BIRC6: variants seen among roughly 807,000 people sequenced by gnomAD.
BIRC6 encodes the protein baculoviral IAP repeat containing 6.
Under a neutral mutation model 503.3 loss-of-function variants are expected in BIRC6, and 98 were observed. The observed-to-expected ratio is 0.19, with a 90% CI of 0.17 to 0.23. The LOEUF (loss-of-function observed/expected upper bound fraction) is 0.23, where lower values mean the gene tolerates loss of function less well. Among genes scored for constraint, BIRC6 ranks in the 10% least tolerant of loss-of-function variants. The pLI is 1.00. For synonymous variants in BIRC6, 2,240 were observed against 2,078.7 expected (o/e 1.08, Z -2.11); for missense variants, 5,360 against 5,806.0 (o/e 0.92, Z 2.50).
At chr2:32,507,030 T>A (rs2053871750) in intron 50 of BIRC6, among the ~76,000 whole-genome samples, 2 of 152,164 alleles carry the variant, frequency 1.3e-5, no homozygotes, top group Non-Finnish European at 2.9e-5. Context: ...TAGATGGGGT[T>A]CCATGTTAAG....
At chr2:32,531,604 T>A in intron 61 of BIRC6, 53 bp downstream of exon 61, 1 of 1,423,284 alleles carries the variant, frequency 7.0e-7, no homozygotes, top group African/African-American at 1.4e-5. Context: ...AGCCCTTCAT[T>A]CTTTTTAATG....
intron 73 of BIRC6, among the ~76,000 whole-genome samples, chr2:32,616,560 CA>C (rs201587938): frequency 0.25 from 24,182 of 98,322 alleles, 1,282 homozygotes; most frequent in African/African-American, 0.39. Context: ...ACCTTGTTCT[CA>C]AAAAAAAAAA....
chr2:32,451,484 A>C (rs2046723659), intron 22 of BIRC6, among the ~76,000 whole-genome samples: 1 of 152,244 alleles, frequency 6.6e-6, no homozygotes, highest in Admixed American at 6.5e-5. Flanking sequence ...TTCACTGTGC[A>C]CTTGTAATAA....
chr2:32,543,282 G>A lies in BIRC6; in HGVS notation c.12333G>A (p.Pro4111=), dbSNP rs1025618860. ...PVVTSTTQEK[P]KDSDQFEWVT... The stretch of plus-strand genomic sequence containing the variant: ...TAACATCTACCACTCAGGAAAAGCC[G>A]AAGGATAGCGATCAGTTTGAATGGG... The change falls in exon 62 of 74, where the codon CCG becomes CCA. Residue 4111 remains proline, a synonymous_variant. Coordinates refer to ENST00000421745, the MANE Select transcript of BIRC6 (RefSeq NM_016252.4). 14 of 1,613,852 alleles carry A rather than the reference G, an allele frequency of 8.7e-6. No individual in the cohort carries two copies. Among genetic ancestry groups the A allele is most frequent in the African/African-American group, 4.0e-5 (3 of 74,908 alleles).
intron 71 of BIRC6, among the ~76,000 whole-genome samples, chr2:32,607,117 ATAAAC>A (rs1382130262): frequency 7.9e-5 from 12 of 151,976 alleles, no homozygotes; most frequent in Non-Finnish European, 1.8e-4. Context: ...TAAAAAAAAA[ATAAAC>A]TAAACTAAAA....
chr2:32,453,736 A>G (rs1461219539), intron 22 of BIRC6, 72 bp from the exon 23 acceptor site: 4 of 1,408,892 alleles, frequency 2.8e-6, no homozygotes, highest in Middle Eastern at 1.8e-4. Flanking sequence ...AGTTGCAGCT[A>G]TAATTATTGT....
At chr2:32,607,975 CAAA>C (rs35242178) in intron 72 of BIRC6, among the ~76,000 whole-genome samples, 235 of 51,936 alleles carry the variant, frequency 4.5e-3, no homozygotes, top group Middle Eastern at 0.019. Flanking sequence ...ACTCCATCTC[CAAA>C]AAAAAAAAAA....
chr2:32,442,183 A>G lies in BIRC6; in HGVS notation c.4063A>G (p.Thr1355Ala). 3.1e-6 allele frequency: 5 copies of G among 1,610,002 alleles called. No individual in the cohort carries two copies. Among genetic ancestry groups the G allele is most frequent in the Non-Finnish European group, 4.2e-6 (5 of 1,178,750 alleles). ...TEHAQSLVLD[T>A]LCWLAGVHSN... ...ACATGCCCAGAGCCTTGTGTTGGATACTCTCTGTTGGTTAGCTGGAGTTCA... is the reference window on the plus strand; with the variant it reads ...ACATGCCCAGAGCCTTGTGTTGGATGCTCTCTGTTGGTTAGCTGGAGTTCA... Residue 1355 changes from threonine (T) to alanine (A), a missense_variant, in exon 18 of 74, where the codon ACT becomes GCT. Thr to Ala is a moderately conservative substitution (Grantham distance 58, BLOSUM62 0). Transcript: ENST00000421745.
At chr2:32,465,913 C>CTG (rs1217621905) in intron 26 of BIRC6, among the ~76,000 whole-genome samples, 2 of 140,274 alleles carry the variant, frequency 1.4e-5, no homozygotes, top group East Asian at 3.0e-4. Context: ...ACAGTATTTT[C>CTG]TGCCCAACTA....
At position 32,467,513 on chromosome 2, in the gene BIRC6, T is replaced by A. The variant is rs1426489679; in HGVS notation, c.5357-12T>A. On this transcript the variant is annotated splice_polypyrimidine_tract_variant and intron_variant, in intron 26 of 73. Transcript: ENST00000421745. The stretch of plus-strand genomic sequence containing the variant: ...TATATTTTTGGTCAACTGTTTCTTC[T>A]TTCTCTCATAGGAGCAAGAAGATTT... The A allele has an allele frequency of 6.2e-7, 1 of 1,610,110 alleles. No homozygotes were observed. Among genetic ancestry groups the A allele is most frequent in the Non-Finnish European group, 8.5e-7 (1 of 1,176,902 alleles).
chr2:32,518,540 G>A, intron 56 of BIRC6, 143 bp downstream of exon 56: 1 of 914,542 alleles, frequency 1.1e-6, no homozygotes, highest in Non-Finnish European at 1.6e-6. Context: ...GACAGAACTT[G>A]ACAATTTCAG....
chr2:32,502,135 T>A (rs943711995), intron 47 of BIRC6, among the ~76,000 whole-genome samples: 2 of 152,204 alleles, frequency 1.3e-5, no homozygotes, highest in African/African-American at 4.8e-5. Context: ...TTAGATTTTT[T>A]AATATAGTCT....
Position 32,513,185 on chromosome 2 carries a change from C to T in BIRC6, c.10568+31C>T, listed in dbSNP as rs749345274. Reference sequence around the variant, plus strand: ...TATGATTTGTGAAATCTTTTTTATCCCCCAGTACTAGATCAGTTAGTGTTC... The same window carrying T: ...TATGATTTGTGAAATCTTTTTTATCTCCCAGTACTAGATCAGTTAGTGTTC... On this transcript the variant is annotated intron_variant, in intron 54 of 73. Transcript: ENST00000421745. 2.6e-6 allele frequency: 4 copies of T among 1,530,236 alleles called. No individual in the cohort carries two copies. The African/African-American group carries it at 4.1e-5, about 16-fold the overall frequency. 94.8% of individuals were successfully genotyped at this position (1,530,236 alleles called of 1,614,324 possible). A position where few individuals can be genotyped will look rare whatever the true frequency, so the allele number is the denominator to read the frequency against.
intron 65 of BIRC6, among the ~76,000 whole-genome samples, chr2:32,552,102 A>G (rs1003617261): frequency 6.6e-6 from 1 of 152,200 alleles, no homozygotes; most frequent in Non-Finnish European, 1.5e-5. Flanking sequence ...GGAACACACT[A>G]GTTTATGCCT....
At chr2:32,521,765 C>G (rs1312533382) in intron 57 of BIRC6, among the ~76,000 whole-genome samples, 3 of 151,976 alleles carry the variant, frequency 2.0e-5, no homozygotes, top group Non-Finnish European at 4.4e-5. Context: ...CAGGCATGAG[C>G]CACCACATCA....
intron 61 of BIRC6, among the ~76,000 whole-genome samples, 169 bp downstream of exon 61, chr2:32,531,720 G>A (rs1225217481): frequency 1.3e-5 from 2 of 152,140 alleles, no homozygotes; most frequent in Non-Finnish European, 2.9e-5. Context: ...AGAGCTTCAT[G>A]ACCTTCAGTA....
chr2:32,617,461 G>C (rs2063320567), intron 73 of BIRC6, among the ~76,000 whole-genome samples: 1 of 152,196 alleles, frequency 6.6e-6, no homozygotes, highest in Non-Finnish European at 1.5e-5. Flanking sequence ...TGCTGTTTCT[G>C]TGACAGCTTG....
At chr2:32,367,416 T>A (rs548536702) in intron 1 of BIRC6, among the ~76,000 whole-genome samples, 39 of 150,744 alleles carry the variant, frequency 2.6e-4, no homozygotes, top group Admixed American at 5.9e-4. Flanking sequence ...TGAGCTGAGA[T>A]TGCACCATTG....
chr2:32,477,671 G>A (rs2049917255), intron 35 of BIRC6, 88 bp downstream of exon 35: 1 of 1,015,744 alleles, frequency 9.8e-7, no homozygotes, highest in African/African-American at 1.6e-5. Context: ...GACTGAGGTG[G>A]GTGGATTATC....
Sources: allele counts gnomAD v4.1 joint callset (sites outside exome capture counted in the v4.1 genomes callset), GRCh38; gene constraint gnomAD v4.1.1; transcripts MANE v1.5; gene names NCBI Gene and HGNC (gene_info 2026-07-23, HGNC 2026-07-21).